Variants in CLNK observed in about 807,000 individuals in gnomAD.
CLNK encodes cytokine-dependent hematopoietic cell linker.
A neutral mutation model predicts 68.6 loss-of-function variants in CLNK; 74 were observed. The ratio of observed to expected loss-of-function variants is 1.08; its 90% CI spans 0.89 to 1.31. CLNK has a LOEUF of 1.31. Among genes scored for constraint, CLNK ranks in the 50% most tolerant of loss-of-function variants. CLNK has a pLI of 0.00. For synonymous variants in CLNK, 198 were observed against 172.2 expected, an observed-to-expected ratio of 1.15 and a Z score of -1.17; for missense variants, 553 against 515.3, an observed-to-expected ratio of 1.07 and a Z score of -0.71.
intron 3 of CLNK, among the ~76,000 whole-genome samples, chr4:10,592,979 A>T (rs529359699): frequency 1.3e-5 from 2 of 152,036 alleles, no homozygotes; most frequent in African/African-American, 2.4e-5. Context: ...CACCCATCTC[A>T]GCCTCCCAAA....
chr4:10,670,780 T>G (rs1035137722), intron 1 of CLNK, among the ~76,000 whole-genome samples: 2 of 152,224 alleles, frequency 1.3e-5, no homozygotes, highest in African/African-American at 4.8e-5. Context: ...TGTCATTACA[T>G]TTCTTATATT....
intron 3 of CLNK, among the ~76,000 whole-genome samples, chr4:10,593,174 C>T (rs1171125781): frequency 6.6e-6 from 1 of 152,224 alleles, no homozygotes; most frequent in Non-Finnish European, 1.5e-5. Flanking sequence ...GGCACTCCGC[C>T]TTCTGCATGG....
At chr4:10,640,986 A>G (rs1247803743) in intron 2 of CLNK, among the ~76,000 whole-genome samples, 3 of 152,194 alleles carry the variant, frequency 2.0e-5, no homozygotes, top group Non-Finnish European at 4.4e-5. Context: ...AGCTTGCCCA[A>G]CCCTCAACCG....
intron 12 of CLNK, among the ~76,000 whole-genome samples, chr4:10,529,983 T>A (rs1033192249): frequency 1.3e-5 from 2 of 150,864 alleles, no homozygotes; most frequent in Admixed American, 6.6e-5. Context: ...TCCCTCTTTC[T>A]CCTTCCTTTT....
chr4:10,587,158 G>T (rs1303549693), intron 3 of CLNK, among the ~76,000 whole-genome samples: 3 of 151,956 alleles, frequency 2.0e-5, no homozygotes, highest in African/African-American at 7.3e-5. Flanking sequence ...TAGAGATGAG[G>T]TTTCACCATG....
chr4:10,504,368 C>T (rs1020063523), intron 17 of CLNK, among the ~76,000 whole-genome samples: 7 of 151,624 alleles, frequency 4.6e-5, no homozygotes, highest in African/African-American at 1.7e-4. Context: ...GATTCGCCCG[C>T]CTCGGGCTCC....
At chr4:10,568,038 G>C (rs999884147) in intron 5 of CLNK, among the ~76,000 whole-genome samples, 10 of 152,178 alleles carry the variant, frequency 6.6e-5, no homozygotes, top group Non-Finnish European at 1.3e-4. Context: ...TAAACACAGA[G>C]CTACCATATA....
chr4:10,562,795 T>G (rs1210352470), intron 7 of CLNK, among the ~76,000 whole-genome samples: 1 of 152,216 alleles, frequency 6.6e-6, no homozygotes, highest in Non-Finnish European at 1.5e-5. Flanking sequence ...TCCTGCATTA[T>G]CATTATTTTT....
chr4:10,673,383 C>T (rs1724735897), intron 1 of CLNK, among the ~76,000 whole-genome samples: 1 of 151,992 alleles, frequency 6.6e-6, no homozygotes, highest in African/African-American at 2.4e-5. Flanking sequence ...GCCTGATTGC[C>T]CTGGACAGAA....
Position 10,566,055 on chromosome 4 carries a change from C to T in CLNK, c.246G>A (p.Ser82=), listed in dbSNP as rs574119157. 1.2e-5 allele frequency: 19 copies of T among 1,613,856 alleles called. 1 individual carries two copies. In the Admixed American group the frequency reaches 1.3e-4, roughly 11 times the overall value. The change falls in exon 6 of 19, where the codon TCG becomes TCA. Residue 82 remains serine (S), a synonymous_variant. Transcript: ENST00000226951. ...TAGGCCGGGCTGGTAAAATTTTAATCGACTGCCATGTCTCTTCCATCCGAA... is the reference window on the plus strand; with the variant it reads ...TAGGCCGGGCTGGTAAAATTTTAATTGACTGCCATGTCTCTTCCATCCGAA... ...PELRMEETWQ[S]IKILPARPIK... is the part of the protein sequence containing the mutation.
chr4:10,591,402 G>T (rs894234926), intron 3 of CLNK, among the ~76,000 whole-genome samples: 3 of 152,178 alleles, frequency 2.0e-5, no homozygotes, highest in Non-Finnish European at 4.4e-5. Flanking sequence ...AATGCAACTG[G>T]AATTCTCAGA....
intron 6 of CLNK, among the ~76,000 whole-genome samples, chr4:10,565,259 T>C (rs1474305769): frequency 1.3e-5 from 2 of 152,234 alleles, no homozygotes; most frequent in African/African-American, 2.4e-5. Flanking sequence ...AACTGGCACG[T>C]AGTAGATGCT....
chr4:10,507,007 G>A (rs370506668), intron 17 of CLNK, among the ~76,000 whole-genome samples: 3 of 151,492 alleles, frequency 2.0e-5, no homozygotes, highest in African/African-American at 7.3e-5. Flanking sequence ...GGTTTTCACC[G>A]TGTTAGCCAG....
intron 2 of CLNK, chr4:10,598,653 T>C (rs80017853): frequency 0.024 from 10,618 of 444,962 alleles, 540 homozygotes; most frequent in Admixed American, 0.11. Flanking sequence ...TTAACTTATT[T>C]TTCATTGAGT....
At chr4:10,577,108 A>C (rs1242245219) in intron 4 of CLNK, among the ~76,000 whole-genome samples, 1 of 152,200 alleles carries the variant, frequency 6.6e-6, no homozygotes, top group Non-Finnish European at 1.5e-5. Context: ...AAAAATAGGA[A>C]GCCTGCAGAG....
intron 11 of CLNK, among the ~76,000 whole-genome samples, chr4:10,538,842 G>T (rs1718903718): frequency 6.6e-6 from 1 of 152,210 alleles, no homozygotes; most frequent in African/African-American, 2.4e-5. Flanking sequence ...TACCAATGGA[G>T]AAGGGCCCAA....
chr4:10,698,862 T>C, the CLNK span, among the ~76,000 whole-genome samples: 1 of 152,134 alleles, frequency 6.6e-6, no homozygotes, highest in Non-Finnish European at 1.5e-5. Context: ...TGCAGGTGGG[T>C]AGGTCTCATC....
rs902890238 is a variant in CLNK, at chr4:10,566,168, T to G, written c.151-18A>C. 18 of 1,612,738 alleles carry G rather than the reference T, an allele frequency of 1.1e-5. No individual in the cohort carries two copies. In the Admixed American group the frequency reaches 2.3e-4, roughly 21 times the overall value. The stretch of plus-strand genomic sequence containing the variant: ...TTTCTTTCCTAAGCAGGTGGTAACA[T>G]TCCAGTGAGTCAAAGGAAGGTACAA... On this transcript the variant is annotated intron_variant, in intron 5 of 18. Coordinates refer to ENST00000226951, the MANE Select transcript of CLNK (RefSeq NM_052964.4).
At chr4:10,636,994 C>G (rs1344238836) in intron 2 of CLNK, among the ~76,000 whole-genome samples, 3 of 152,208 alleles carry the variant, frequency 2.0e-5, no homozygotes, top group Non-Finnish European at 2.9e-5. Flanking sequence ...GGGCTGGGCA[C>G]TATGGCTCTG....
Sources: allele counts gnomAD v4.1 joint callset (sites outside exome capture counted in the v4.1 genomes callset), GRCh38; gene constraint gnomAD v4.1.1; transcripts MANE v1.5; gene names NCBI Gene and HGNC (gene_info 2026-07-23, HGNC 2026-07-21).